The following SIAH3 variants were observed in gnomAD, a reference collection of about 807,000 sequenced individuals.
SIAH3 encodes siah E3 ubiquitin protein ligase family member 3, also known as seven in absentia homolog 3.
SIAH3 carries 9 observed loss-of-function variants against 12.6 expected under a neutral mutation model. The observed-to-expected ratio is 0.72, with a 90% CI of 0.43 to 1.25. The LOEUF (loss-of-function observed/expected upper bound fraction) is 1.25. Among genes scored for constraint, SIAH3 ranks in the 50% most tolerant of loss-of-function variants. SIAH3 has a pLI of 0.00. For missense variants in SIAH3, 390 were observed against 365.4 expected (o/e 1.07, Z -0.55); for synonymous variants, 154 against 151.1 (o/e 1.02, Z -0.14).
At chr13:45,851,362 G>T in intron 1 of SIAH3, 133 bp downstream of exon 1, 1 of 1,211,008 alleles carries the variant, frequency 8.3e-7, no homozygotes, top group Non-Finnish European at 1.2e-6. Flanking sequence ...AACACGCCGG[G>T]TTCCAGACAC....
intron 1 of SIAH3, among the ~76,000 whole-genome samples, chr13:45,826,497 GTGGA>G: frequency 6.7e-6 from 1 of 150,116 alleles, no homozygotes; most frequent in Admixed American, 6.6e-5. Context: ...GGATGGGTGG[GTGGA>G]TAGATGGATG....
At position 45,783,034 on chromosome 13, in the gene SIAH3, C is replaced by T. The variant is rs1456217394; in HGVS notation, c.*349G>A. 1 of 159,168 alleles carries T rather than the reference C, an allele frequency of 6.3e-6. No individual in the cohort carries two copies. The highest frequency in any genetic ancestry group is 6.4e-5 in the Admixed American group (1 of 15,508). The allele number at this position is 159,168 out of a possible 1,614,324, so 9.9% of individuals were successfully genotyped here. A position where few individuals can be genotyped will look rare whatever the true frequency, so the allele number is the denominator to read the frequency against. On this transcript the variant is annotated 3_prime_UTR_variant, in exon 2 of 2. Coordinates refer to ENST00000400405, the MANE Select transcript of SIAH3 (RefSeq NM_198849.3). The stretch of plus-strand genomic sequence containing the variant: ...GAAGCCTCCTTTCAACCCCAACAGT[C>T]TGCTTGATGGTGTTTTGATCCTTTC...
At chr13:45,829,865 C>T (rs946953483) in intron 1 of SIAH3, among the ~76,000 whole-genome samples, 4 of 152,012 alleles carry the variant, frequency 2.6e-5, no homozygotes, top group Admixed American at 6.5e-5. Context: ...CGCTTGGGTT[C>T]GAGGCCATGA....
At chr13:45,846,192 C>T (rs9567584) in intron 1 of SIAH3, among the ~76,000 whole-genome samples, 2 of 142,720 alleles carry the variant, frequency 1.4e-5, no homozygotes, top group African/African-American at 5.2e-5. Flanking sequence ...CGGGTTCAAG[C>T]GATTCTTCTG....
intron 1 of SIAH3, among the ~76,000 whole-genome samples, chr13:45,787,252 G>C (rs1383070448): frequency 6.6e-6 from 1 of 152,142 alleles, no homozygotes; most frequent in Non-Finnish European, 1.5e-5. Context: ...ATTTGAACAG[G>C]CTGGGGCTCC....
At chr13:45,834,596 T>C (rs1200563818) in intron 1 of SIAH3, among the ~76,000 whole-genome samples, 1 of 152,310 alleles carries the variant, frequency 6.6e-6, no homozygotes, top group East Asian at 1.9e-4. Flanking sequence ...CCCGGTCCTC[T>C]TGGAGGCTGT....
chr13:45,785,504 T>C (rs1950525071), intron 1 of SIAH3, among the ~76,000 whole-genome samples: 1 of 152,248 alleles, frequency 6.6e-6, no homozygotes, highest in Non-Finnish European at 1.5e-5. Flanking sequence ...GCTAGCTTCC[T>C]TTCTTTAGGG....
chr13:45,783,864 G>A lies in SIAH3; in HGVS notation c.329C>T (p.Pro110Leu), dbSNP rs746210514. ...GCCTTCCCACTGGCAGGAGAACAAG[G>A]GACACATGCACAGGCAGGGCGTCAC... ...NPVTPCLCMC[P>L]LFSCQWEGRL... The change falls in exon 2 of 2, where the codon CCC becomes CTC. Residue 110 changes from proline to leucine, a missense_variant. Physicochemically the swap from Pro to Leu is moderately conservative, Grantham distance 98. Transcript: ENST00000400405. The A allele has an allele frequency of 1.9e-5, 30 of 1,613,840 alleles. No individual in the cohort carries two copies. Among genetic ancestry groups the A allele is most frequent in the Non-Finnish European group, 2.5e-5 (30 of 1,179,952 alleles).
At chr13:45,834,769 A>G (rs1185789419) in intron 1 of SIAH3, among the ~76,000 whole-genome samples, 3 of 152,128 alleles carry the variant, frequency 2.0e-5, no homozygotes, top group Non-Finnish European at 2.9e-5. Flanking sequence ...GTGATGCAGG[A>G]GGAACTCCTG....
intron 1 of SIAH3, among the ~76,000 whole-genome samples, chr13:45,843,832 C>T (rs1382508163): frequency 6.6e-6 from 1 of 152,050 alleles, no homozygotes. Flanking sequence ...TAGCTGTTGT[C>T]GTCATAATGA....
At chr13:45,847,622 C>CGTGTGTGTGTGTGTGTGTGTGT (rs112078778) in intron 1 of SIAH3, among the ~76,000 whole-genome samples, 14 of 146,836 alleles carry the variant, frequency 9.5e-5, no homozygotes, top group Non-Finnish European at 2.1e-4. Context: ...TCCATGTGTT[C>CGTGTGTGTGTGTGTGTGTGTGT]GTGTGTGTGT....
intron 1 of SIAH3, among the ~76,000 whole-genome samples, chr13:45,848,915 C>T (rs145551607): frequency 0.01 from 1,545 of 152,334 alleles, 10 homozygotes; most frequent in Non-Finnish European, 0.016. Context: ...GGACTTTCCT[C>T]CTCATTACAT....
chr13:45,788,889 T>C (rs1421083566), intron 1 of SIAH3, among the ~76,000 whole-genome samples: 1 of 152,254 alleles, frequency 6.6e-6, no homozygotes, highest in South Asian at 2.1e-4. Flanking sequence ...CTGAAGTTTT[T>C]AGTCCTAGGT....
At chr13:45,798,974 T>C (rs975145399) in intron 1 of SIAH3, among the ~76,000 whole-genome samples, 2 of 152,220 alleles carry the variant, frequency 1.3e-5, no homozygotes, top group Admixed American at 6.5e-5. Flanking sequence ...CCAGATCTAC[T>C]AATGTACCAG....
chr13:45,807,434 G>A (rs1647064376), intron 1 of SIAH3, among the ~76,000 whole-genome samples: 2 of 152,128 alleles, frequency 1.3e-5, no homozygotes, highest in Non-Finnish European at 2.9e-5. Context: ...GGTGATTCAA[G>A]TGCATGAGAA....
intron 1 of SIAH3, among the ~76,000 whole-genome samples, chr13:45,786,983 T>G (rs1162095166): frequency 6.6e-6 from 1 of 152,160 alleles, no homozygotes. Context: ...GTACAGCTAA[T>G]GTCAGAGATG....
chr13:45,847,280 T>C (rs1041198707), intron 1 of SIAH3, among the ~76,000 whole-genome samples: 4 of 152,194 alleles, frequency 2.6e-5, no homozygotes, highest in Non-Finnish European at 5.9e-5. Context: ...CTCTAGACAA[T>C]GCTCAGGTCT....
chr13:45,778,579 T>TCCTGGCTTGGCTGTCATTTA lies in SIAH3; in HGVS notation c.*4803_*4804insTAAATGACAGCCAAGCCAGG, dbSNP rs1198805274. The TCCTGGCTTGGCTGTCATTTA allele has an allele frequency of 6.6e-6, 1 of 152,270 alleles. No individual in the cohort carries two copies. The highest frequency in any genetic ancestry group is 2.4e-5 in the African/African-American group (1 of 41,452). The allele number at this position is 152,270 out of a possible 1,614,324, so 9.4% of individuals were successfully genotyped here. On this transcript the variant is annotated 3_prime_UTR_variant, in exon 2 of 2. Transcript: ENST00000400405. ...GCTGGCTTGGCTGTCATTTATGCCC[T>TCCTGGCTTGGCTGTCATTTA]TGTCAGTACGGCCTTCCAGGGCCTT...
intron 1 of SIAH3, among the ~76,000 whole-genome samples, chr13:45,797,020 C>T (rs959329581): frequency 1.3e-5 from 2 of 152,176 alleles, no homozygotes; most frequent in Admixed American, 6.5e-5. Flanking sequence ...CCTAATAATT[C>T]GTTCATCCAA....
Sources: gnomAD v4.1 joint callset for allele counts (sites outside exome capture counted in the v4.1 genomes callset) on GRCh38, gnomAD v4.1.1 for gene constraint, MANE v1.5 for transcripts, NCBI Gene and HGNC (gene_info 2026-07-23, HGNC 2026-07-21) for gene names.